Variants in MARCHF1 observed in about 807,000 individuals in gnomAD.
MARCHF1 encodes the protein E3 ubiquitin-protein ligase MARCHF1.
In MARCHF1, 40 loss-of-function variants were observed where a neutral mutation model predicts 54.2. That is an observed-to-expected ratio of 0.74 (90% CI 0.57 to 0.96). MARCHF1 has a LOEUF of 0.96. Among genes scored for constraint, MARCHF1 ranks in the 40% least tolerant of loss-of-function variants. MARCHF1 has a pLI of 0.00. For missense variants in MARCHF1, 586 were observed against 656.5 expected (o/e 0.89, Z 1.17); for synonymous variants, 236 against 236.3 (o/e 1.00, Z 0.01).
chr4:163,974,312 T>C (rs1752607134), intron 3 of MARCHF1, among the ~76,000 whole-genome samples: 1 of 152,202 alleles, frequency 6.6e-6, no homozygotes, highest in Non-Finnish European at 1.5e-5. Flanking sequence ...ACTCTTGAAA[T>C]GCTAAGCTTC....
intron 2 of MARCHF1, among the ~76,000 whole-genome samples, chr4:163,993,820 A>G (rs985945669): frequency 6.6e-6 from 1 of 152,168 alleles, no homozygotes; most frequent in Non-Finnish European, 1.5e-5. Context: ...AAGTAATCAA[A>G]ATATCTAAGG....
At chr4:163,583,168 C>T (rs745679867) in intron 8 of MARCHF1, among the ~76,000 whole-genome samples, 3 of 152,152 alleles carry the variant, frequency 2.0e-5, no homozygotes, top group Non-Finnish European at 2.9e-5. Flanking sequence ...AGATCTGTGA[C>T]GAATTTGAAA....
chr4:164,098,765 CA>C (rs1402311920), intron 2 of MARCHF1, among the ~76,000 whole-genome samples: 3 of 152,162 alleles, frequency 2.0e-5, no homozygotes, highest in Admixed American at 2.0e-4. Context: ...TGTCTTTATG[CA>C]ATGGTTAGGG....
At chr4:164,238,357 G>A (rs2111199630) in intron 1 of MARCHF1, among the ~76,000 whole-genome samples, 1 of 152,126 alleles carries the variant, frequency 6.6e-6, no homozygotes, top group South Asian at 2.1e-4. Flanking sequence ...TGAATCAACA[G>A]TTGACCAGGC....
chr4:163,634,145 C>A (rs1182537101), intron 5 of MARCHF1, among the ~76,000 whole-genome samples: 1 of 151,986 alleles, frequency 6.6e-6, no homozygotes, highest in Admixed American at 6.6e-5. Flanking sequence ...CAAAATCATG[C>A]CAAAATGTAA....
intron 3 of MARCHF1, among the ~76,000 whole-genome samples, chr4:163,942,190 C>A (rs1387305677): frequency 3.3e-5 from 5 of 152,174 alleles, no homozygotes; most frequent in African/African-American, 9.6e-5. Flanking sequence ...GGTTTCACAT[C>A]ATCACTTCCT....
intron 1 of MARCHF1, among the ~76,000 whole-genome samples, chr4:164,141,146 C>A (rs1756524021): frequency 1.3e-5 from 2 of 152,202 alleles, no homozygotes; most frequent in Admixed American, 6.5e-5. Context: ...AGCAGCACTT[C>A]TCCTGGTTGT....
intron 1 of MARCHF1, among the ~76,000 whole-genome samples, chr4:164,255,912 CAAAT>C (rs1162983553): frequency 1.3e-5 from 2 of 151,828 alleles, no homozygotes. Context: ...TGCTTTGACT[CAAAT>C]AAAGAATAAA....
chr4:163,612,532 C>G lies in MARCHF1; in HGVS notation c.749G>C (p.Gly250Ala), dbSNP rs151184934. The G allele has an allele frequency of 4.6e-6, 7 of 1,535,318 alleles. No individual in the cohort carries two copies. Among genetic ancestry groups the G allele is most frequent in the Non-Finnish European group, 6.1e-6 (7 of 1,146,518 alleles). Reference protein sequence around the residue: ...YQECNPSLTQGSSEIKRSSRN... With the variant: ...YQECNPSLTQASSEIKRSSRN... ...TGAGGATCTCTTAATTTCAGAGGAC[C>G]CTTGAGTCAGAGAAGGGTTGCATTC... The change falls in exon 7 of 10, where the codon GGG (glycine) becomes GCG (alanine). Residue 250 changes from glycine to alanine, a missense_variant. Transcript: ENST00000514618.
intron 4 of MARCHF1, among the ~76,000 whole-genome samples, chr4:163,825,447 A>C (rs1194361476): frequency 2.0e-5 from 3 of 151,938 alleles, no homozygotes; most frequent in Non-Finnish European, 4.4e-5. Context: ...ATATTCCTTT[A>C]GTTATATACC....
intron 1 of MARCHF1, among the ~76,000 whole-genome samples, chr4:164,242,206 C>T (rs1163503901): frequency 6.8e-6 from 1 of 146,096 alleles, no homozygotes; most frequent in Non-Finnish European, 1.5e-5. Context: ...CAGCAGTAAC[C>T]TCCGCAGACT....
intron 3 of MARCHF1, among the ~76,000 whole-genome samples, chr4:163,884,671 C>G (rs1382102527): frequency 2.0e-5 from 3 of 152,148 alleles, no homozygotes; most frequent in South Asian, 4.1e-4. Context: ...TTCAAATATC[C>G]TGAACACATT....
chr4:164,067,606 A>G (rs2111082423), intron 2 of MARCHF1, among the ~76,000 whole-genome samples: 1 of 152,322 alleles, frequency 6.6e-6, no homozygotes, highest in South Asian at 2.1e-4. Context: ...ATTTAAATGT[A>G]AGACCTCAAA....
At chr4:163,566,317 T>C (rs1283268622) in intron 8 of MARCHF1, among the ~76,000 whole-genome samples, 4 of 152,202 alleles carry the variant, frequency 2.6e-5, no homozygotes, top group African/African-American at 9.7e-5. Flanking sequence ...TGCTTTTGTC[T>C]TTCCTGACTT....
chr4:164,283,867 G>A (rs1734083280), intron 1 of MARCHF1, among the ~76,000 whole-genome samples: 1 of 150,926 alleles, frequency 6.6e-6, no homozygotes, highest in African/African-American at 2.4e-5. Flanking sequence ...TTTCATTTCT[G>A]ATTTGATCTA....
intron 1 of MARCHF1, among the ~76,000 whole-genome samples, chr4:164,266,826 A>G (rs1242266462): frequency 6.6e-6 from 1 of 152,222 alleles, no homozygotes; most frequent in Non-Finnish European, 1.5e-5. Flanking sequence ...GTAACTTTTA[A>G]TAGAACCAGT....
In MARCHF1 at chr4:163,737,793, AC is replaced by A. The variant is rs1390128243; in HGVS notation, c.112-36931del. The stretch of plus-strand genomic sequence containing the variant: ...GGAGAGGATGTGGAGAAATAGGAAC[AC>A]TTTTACACTGTTGGTGGGACTGTAA... On this transcript the variant is annotated intron_variant, in intron 4 of 9. Coordinates refer to ENST00000514618, the MANE Select transcript of MARCHF1 (RefSeq NM_001394959.1). 6.8e-5 allele frequency among the ~76,000 whole-genome samples: 8 copies of A among 117,460 alleles called. 2 individuals are homozygous for A. The highest frequency in any genetic ancestry group is 1.0e-4 in the Non-Finnish European group (5 of 47,746). 77.1% of individuals were successfully genotyped at this position (117,460 alleles called of 152,430 possible).
At chr4:164,163,244 A>G (rs1386934489) in intron 1 of MARCHF1, among the ~76,000 whole-genome samples, 1 of 152,042 alleles carries the variant, frequency 6.6e-6, no homozygotes, top group Admixed American at 6.6e-5. Flanking sequence ...GACTCTATAA[A>G]AATTATTATA....
chr4:164,230,995 A>T (rs1300856355), intron 1 of MARCHF1, among the ~76,000 whole-genome samples: 3 of 152,112 alleles, frequency 2.0e-5, no homozygotes, highest in African/African-American at 7.2e-5. Flanking sequence ...ATAGAACACA[A>T]ATGCTCAAGA....
Sources: allele counts gnomAD v4.1 joint callset (sites outside exome capture counted in the v4.1 genomes callset), GRCh38; gene constraint gnomAD v4.1.1; transcripts MANE v1.5; gene names NCBI Gene and HGNC (gene_info 2026-07-23, HGNC 2026-07-21).